Variants in NDFIP2 observed in about 807,000 individuals in gnomAD.
NDFIP2 encodes NEDD4 family-interacting protein 2.
NDFIP2 carries 19 observed loss-of-function variants against 36.0 expected under a neutral mutation model. That is an observed-to-expected ratio of 0.53 (90% CI 0.37 to 0.77). The LOEUF (loss-of-function observed/expected upper bound fraction) is 0.77, where lower values mean the gene tolerates loss of function less well. Among genes scored for constraint, NDFIP2 ranks in the 30% least tolerant of loss-of-function variants. The pLI is 0.00. For synonymous variants in NDFIP2, 181 were observed against 167.7 expected (o/e 1.08, Z -0.61); for missense variants, 446 against 435.8 (o/e 1.02, Z -0.21).
intron 1 of NDFIP2, 115 bp from the exon 2 acceptor site, chr13:79,520,695 A>G (rs1874536037): frequency 3.1e-6 from 3 of 982,922 alleles, no homozygotes; most frequent in African/African-American, 1.6e-5. Flanking sequence ...TAAAAATGCC[A>G]TTTTCTTTGT....
At chr13:79,543,781 A>G (rs767177531) in intron 5 of NDFIP2, 99 bp downstream of exon 5, 17 of 1,420,142 alleles carry the variant, frequency 1.2e-5, no homozygotes, top group Non-Finnish European at 1.5e-5. Flanking sequence ...TCATGAATTC[A>G]GTTATTTCAA....
intron 4 of NDFIP2, among the ~76,000 whole-genome samples, chr13:79,542,187 A>G (rs182901213): frequency 1.3e-5 from 2 of 152,288 alleles, no homozygotes; most frequent in East Asian, 3.9e-4. Context: ...CTCTTATTTG[A>G]TCCTGTTTAG....
intron 1 of NDFIP2, among the ~76,000 whole-genome samples, chr13:79,497,948 G>A (rs1873510923): frequency 6.6e-6 from 1 of 151,680 alleles, no homozygotes; most frequent in African/African-American, 2.4e-5. Flanking sequence ...TATGGCAGTA[G>A]TTTAGGTAAA....
chr13:79,535,412 GT>G (rs1425536138), intron 3 of NDFIP2, among the ~76,000 whole-genome samples: 2 of 152,160 alleles, frequency 1.3e-5, no homozygotes, highest in Non-Finnish European at 2.9e-5. Flanking sequence ...AAGTATTACT[GT>G]TCCATTCCCT....
intron 2 of NDFIP2, among the ~76,000 whole-genome samples, chr13:79,524,126 C>T (rs1025402774): frequency 1.3e-5 from 2 of 152,210 alleles, no homozygotes; most frequent in African/African-American, 4.8e-5. Flanking sequence ...TTTTCTTCTT[C>T]ATCTTCCTCT....
rs752153756 is a variant in NDFIP2, at chr13:79,539,714, C to T, written c.654C>T (p.Asp218=). The change falls in exon 4 of 8, where the codon GAC becomes GAT. Residue 218 remains aspartate (D), a synonymous_variant. Coordinates refer to ENST00000218652, the MANE Select transcript of NDFIP2 (RefSeq NM_019080.3). The part of the protein sequence containing the change: ...IQEEECPPRD[D]FSDADQLRVG... ...AGGAAGAGTGTCCACCAAGAGATGA[C>T]TTCAGTGATGCAGACCAGCTCAGAG... 56 of 1,613,668 alleles carry T rather than the reference C, an allele frequency of 3.5e-5. No homozygotes were observed. Among genetic ancestry groups the T allele is most frequent in the Non-Finnish European group, 4.6e-5 (54 of 1,179,820 alleles).
chr13:79,533,629 A>G (rs1875108109), intron 3 of NDFIP2, among the ~76,000 whole-genome samples, 173 bp downstream of exon 3: 1 of 152,198 alleles, frequency 6.6e-6, no homozygotes, highest in African/African-American at 2.4e-5. Context: ...AAATAAATAT[A>G]TTGGAAAAAT....
chr13:79,545,759 C>T (rs146662750), intron 5 of NDFIP2, among the ~76,000 whole-genome samples: 1 of 152,074 alleles, frequency 6.6e-6, no homozygotes, highest in East Asian at 1.9e-4. Flanking sequence ...TTTGTGGAGA[C>T]GGGGTCTCAC....
rs1873127800 is a variant in NDFIP2, at chr13:79,489,103, A to G, written c.321+7579A>G. Reference sequence around the variant, plus strand: ...ATTGCTGTGTAACAAACATCTCTAAATACAAGTATTTATTTTCTTTTAAGA... The same window carrying G: ...ATTGCTGTGTAACAAACATCTCTAAGTACAAGTATTTATTTTCTTTTAAGA... On this transcript the variant is annotated intron_variant, in intron 1 of 7. Transcript: ENST00000218652. Among the ~76,000 whole-genome samples the G allele has an allele frequency of 2.0e-5, 3 of 152,284 alleles. No homozygotes were observed. In the South Asian group the frequency reaches 6.2e-4, roughly 32 times the overall value.
chr13:79,540,117 A>G (rs1161518883), intron 4 of NDFIP2, among the ~76,000 whole-genome samples: 1 of 152,222 alleles, frequency 6.6e-6, no homozygotes, highest in South Asian at 2.1e-4. Context: ...GAATGAAACT[A>G]TAAATTGCAC....
chr13:79,510,157 G>C (rs1874028128), intron 1 of NDFIP2, among the ~76,000 whole-genome samples: 2 of 152,100 alleles, frequency 1.3e-5, no homozygotes, highest in Non-Finnish European at 2.9e-5. Flanking sequence ...TGTCCCTTTT[G>C]TGATCTATTT....
At chr13:79,522,179 G>T (rs1874613348) in intron 2 of NDFIP2, among the ~76,000 whole-genome samples, 2 of 152,022 alleles carry the variant, frequency 1.3e-5, no homozygotes, top group African/African-American at 4.8e-5. Context: ...CTTGCTCATT[G>T]CCCAGTTTTA....
intron 4 of NDFIP2, among the ~76,000 whole-genome samples, chr13:79,541,376 AG>A (rs1875449357): frequency 2.0e-5 from 3 of 151,380 alleles, no homozygotes; most frequent in Non-Finnish European, 4.4e-5. Context: ...ATTCTTAGCC[AG>A]TGGTAGTATA....
chr13:79,504,565 T>A (rs1336310949), intron 1 of NDFIP2, among the ~76,000 whole-genome samples: 1 of 152,126 alleles, frequency 6.6e-6, no homozygotes, highest in Non-Finnish European at 1.5e-5. Flanking sequence ...TATAAAAAAT[T>A]GAGATCTGAT....
At chr13:79,549,823 G>C (rs932989947) in intron 6 of NDFIP2, among the ~76,000 whole-genome samples, 3 of 151,836 alleles carry the variant, frequency 2.0e-5, no homozygotes, top group African/African-American at 7.2e-5. Context: ...AAGGGCATGA[G>C]GGTGGAATTC....
At chr13:79,488,901 TAATAA>T (rs1366200362) in intron 1 of NDFIP2, among the ~76,000 whole-genome samples, 1 of 152,200 alleles carries the variant, frequency 6.6e-6, no homozygotes, top group African/African-American at 2.4e-5. Context: ...TACATTGTAT[TAATAA>T]AATGCTGCTA....
rs1875990393 is a variant in NDFIP2, at chr13:79,553,643, C to T, written c.*1130C>T. ...TAACTTGTAAAAAACATATCCTGAACTGAGATATGCAAAATACTCATTTTC... is the reference window on the plus strand; with the variant it reads ...TAACTTGTAAAAAACATATCCTGAATTGAGATATGCAAAATACTCATTTTC... On this transcript the variant is annotated 3_prime_UTR_variant, in exon 8 of 8. Transcript: ENST00000218652. 6.6e-6 allele frequency: 1 copy of T among 151,910 alleles called. No individual in the cohort carries two copies. The highest frequency in any genetic ancestry group is 2.4e-5 in the African/African-American group (1 of 41,382). 9.4% of individuals were successfully genotyped at this position (151,910 alleles called of 1,614,324 possible). A position where few individuals can be genotyped will look rare whatever the true frequency, so the allele number is the denominator to read the frequency against.
At chr13:79,482,173 T>TTTC (rs2079818718) in intron 1 of NDFIP2, among the ~76,000 whole-genome samples, 9 of 42,910 alleles carry the variant, frequency 2.1e-4, no homozygotes, top group Admixed American at 4.7e-4. Context: ...TTCTTTCTTT[T>TTTC]TTTTTTTTTT....
intron 1 of NDFIP2, among the ~76,000 whole-genome samples, chr13:79,494,450 A>G (rs998997518): frequency 1.3e-5 from 2 of 152,012 alleles, no homozygotes; most frequent in African/African-American, 4.8e-5. Context: ...TTCTTTAGTT[A>G]TATATTTATT....
Sources: gnomAD v4.1 joint callset for allele counts (sites outside exome capture counted in the v4.1 genomes callset) on GRCh38, gnomAD v4.1.1 for gene constraint, MANE v1.5 for transcripts, NCBI Gene and HGNC (gene_info 2026-07-23, HGNC 2026-07-21) for gene names.